SNAPC4: variants seen among roughly 807,000 people sequenced by gnomAD.
SNAPC4 encodes small nuclear RNA activating complex polypeptide 4, also known as snRNA-activating protein complex subunit 4.
In SNAPC4, 127 loss-of-function variants were observed where a neutral mutation model predicts 151.3. The ratio of observed to expected loss-of-function variants is 0.84; its 90% CI spans 0.73 to 0.97. The LOEUF (loss-of-function observed/expected upper bound fraction) is 0.97. Ranked by LOEUF, SNAPC4 falls within the 50% of genes least tolerant of loss-of-function variation. SNAPC4 has a pLI of 0.00. For missense variants in SNAPC4, 2,186 were observed against 1,935.0 expected (o/e 1.13, Z -2.43); for synonymous variants, 1,002 against 824.4 (o/e 1.22, Z -3.69).
intron 14 of SNAPC4, 28 bp downstream of exon 14, chr9:136,384,692 C>A: frequency 8.7e-7 from 1 of 1,144,792 alleles, no homozygotes; most frequent in South Asian, 1.3e-5. Context: ...AAAAAAGAAA[C>A]TAGAAGAACA....
In SNAPC4 at chr9:136,392,752, T is replaced by C. The variant is rs770309786; in HGVS notation, c.658A>G (p.Ser220Gly). 3 of 1,613,386 alleles carry C rather than the reference T, an allele frequency of 1.9e-6. No homozygotes were observed. The highest frequency in any genetic ancestry group is 3.3e-5 in the Admixed American group (2 of 60,008). The change falls in exon 8 of 24, where the codon AGC becomes GGC. Residue 220 changes from serine to glycine, a missense_variant. Coordinates refer to ENST00000684778, the MANE Select transcript of SNAPC4 (RefSeq NM_003086.4). ...CTCTCCAGCTCACTGGAGACTTTGC[T>C]CTGCTTCTGGTGCAAGTACTCGAGC... Reference protein sequence around the residue: ...LKLEYLHQKQSKVSSELERQA... With the variant: ...LKLEYLHQKQGKVSSELERQA...
chr9:136,386,635 T>C (rs373829940), intron 13 of SNAPC4, among the ~76,000 whole-genome samples: 41 of 152,146 alleles, frequency 2.7e-4, no homozygotes, highest in African/African-American at 8.7e-4. Context: ...GGTTTCTCCA[T>C]GTTGGTCAGG....
chr9:136,387,876 G>A, intron 11 of SNAPC4, 28 bp from the exon 12 acceptor site: 1 of 1,291,520 alleles, frequency 7.7e-7, no homozygotes, highest in Non-Finnish European at 1.1e-6. Context: ...GGGAGGTCCT[G>A]TGGGGCCGAG....
intron 10 of SNAPC4, 124 bp downstream of exon 10, chr9:136,391,818 G>T: frequency 9.6e-7 from 1 of 1,040,546 alleles, no homozygotes; most frequent in Non-Finnish European, 1.4e-6. Context: ...CCTGGAGGTG[G>T]CAACACATAG....
chr9:136,395,370 G>A lies in SNAPC4; in HGVS notation c.399C>T (p.Gly133=). 6.2e-7 allele frequency: 1 copy of A among 1,613,614 alleles called. No homozygotes were observed. The highest frequency in any genetic ancestry group is 1.3e-5 in the African/African-American group (1 of 75,060). Residue 133 remains glycine, a synonymous_variant, in exon 5 of 24, where the codon GGC becomes GGT. Transcript: ENST00000684778. Reference sequence around the variant, plus strand: ...TGTATGTGCTTGGGGGCAGGCTTTTGCCATCTTTCACCTTGGTGCCTTTGG... The same window carrying A: ...TGTATGTGCTTGGGGGCAGGCTTTTACCATCTTTCACCTTGGTGCCTTTGG... ...AGSKGTKVKD[G]KSLPPSTYMG... is the part of the protein sequence containing the mutation.
intron 13 of SNAPC4, among the ~76,000 whole-genome samples, chr9:136,386,915 C>T (rs781339622): frequency 5.9e-5 from 9 of 151,990 alleles, no homozygotes; most frequent in Admixed American, 4.6e-4. Flanking sequence ...CCACCATGCC[C>T]GGGTAACTTT....
At chr9:136,380,588 C>G in intron 20 of SNAPC4, 152 bp downstream of exon 20, 1 of 598,782 alleles carries the variant, frequency 1.7e-6, no homozygotes, top group Non-Finnish European at 3.0e-6. Context: ...CAGGGCCTCT[C>G]AAGGCTGCGT....
intron 13 of SNAPC4, 130 bp downstream of exon 13, chr9:136,387,355 G>T: frequency 1.4e-6 from 1 of 738,796 alleles, no homozygotes; most frequent in Non-Finnish European, 2.4e-6. Context: ...CACCTGGTCA[G>T]CGACCCACAC....
intron 2 of SNAPC4, among the ~76,000 whole-genome samples, chr9:136,397,615 G>A (rs540422148): frequency 1.8e-5 from 2 of 113,242 alleles, no homozygotes; most frequent in East Asian, 6.5e-4. Context: ...ATGGGGAGGG[G>A]AGCACGTGGG....
Position 136,378,976 on chromosome 9 carries a change from G to T in SNAPC4, c.2851C>A (p.Pro951Thr), listed in dbSNP as rs1162467259. Residue 951 changes from proline to threonine, a missense_variant, in exon 22 of 24, where the codon CCG (proline) becomes ACG (threonine). Physicochemically the swap from Pro to Thr is conservative, Grantham distance 38. Coordinates refer to ENST00000684778, the MANE Select transcript of SNAPC4 (RefSeq NM_003086.4). Reference sequence around the variant, plus strand: ...GCGGGGGCCCCAGGCCCAGAGAGCGGTACATTTAAGACGGTGGGACCCGGG... The same window carrying T: ...GCGGGGGCCCCAGGCCCAGAGAGCGTTACATTTAAGACGGTGGGACCCGGG... ...PAPGPTVLNV[P>T]LSGPGAPAAA... is the part of the protein sequence containing the mutation. 6.2e-7 allele frequency: 1 copy of T among 1,608,672 alleles called. No individual in the cohort carries two copies. Among genetic ancestry groups the T allele is most frequent in the Non-Finnish European group, 8.5e-7 (1 of 1,178,556 alleles).
Position 136,383,251 on chromosome 9 carries a change from T to G in SNAPC4, c.1918A>C (p.Arg640=). ...VPARAHGPVP[R]SAQASHSADT... is the part of the protein sequence containing the mutation. ...GCTGAGTGGGAGGCCTGGGCAGACC[T>G]CGGGACAGGGCCGTGGGCCCTGGCA... The change falls in exon 16 of 24, where the codon AGG becomes CGG. Residue 640 remains arginine, a synonymous_variant. Coordinates refer to ENST00000684778, the MANE Select transcript of SNAPC4 (RefSeq NM_003086.4). The surrounding 1 kb of genome is among the most constrained non-coding windows in gnomAD (Gnocchi z 4.2). The G allele has an allele frequency of 6.2e-7, 1 of 1,603,438 alleles. No homozygotes were observed.
At position 136,383,768 on chromosome 9, in the gene SNAPC4, C is replaced by G; in HGVS notation, c.1501-100G>C. On this transcript the variant is annotated intron_variant, in intron 15 of 23. Transcript: ENST00000684778. The surrounding 1 kb of genome is among the most constrained non-coding windows in gnomAD (Gnocchi z 4.2). ...CTTTGGGGAGAGGCCCAAGCGGGGG[C>G]GCCTCCGGGGTCAAGAGCAGCCGCT... is the stretch of plus-strand genomic sequence containing the variant. 6.8e-7 allele frequency: 1 copy of G among 1,481,062 alleles called. No individual in the cohort carries two copies. The highest frequency in any genetic ancestry group is 9.2e-7 in the Non-Finnish European group (1 of 1,090,266). The allele number at this position is 1,481,062 out of a possible 1,614,324, so 91.7% of individuals were successfully genotyped here. A position where few individuals can be genotyped will look rare whatever the true frequency, so the allele number is the denominator to read the frequency against.
Position 136,378,729 on chromosome 9 carries a change from C to A in SNAPC4, c.3098G>T (p.Arg1033Leu). The part of the protein sequence containing the change: ...LGQSQAPAAS[R>L]KQGLPEAPPF... ...TGGCGCCTCAGGCAGGCCCTGCTTC[C>A]GGGATGCAGCGGGGGCCTGAGACTG... Residue 1033 changes from arginine to leucine, a missense_variant, in exon 22 of 24, where the codon CGG becomes CTG. Arg to Leu is a moderately radical substitution (Grantham distance 102). Transcript: ENST00000684778. 1.3e-6 allele frequency: 2 copies of A among 1,507,254 alleles called. No homozygotes were observed. Among genetic ancestry groups the A allele is most frequent in the Non-Finnish European group, 1.8e-6 (2 of 1,128,124 alleles). 93.4% of individuals were successfully genotyped at this position (1,507,254 alleles called of 1,614,324 possible).
At position 136,377,639 on chromosome 9, in the gene SNAPC4, C is replaced by CTCAGT; in HGVS notation, c.4187_4188insACTGA (p.Gly1397LeufsTer12). Reference sequence around the variant, plus strand: ...GGTCTTCATCCTCACTCTCAGAGCCCACCCTCGAAGGTACTGAGAGGGTGG... The same window carrying CTCAGT: ...GGTCTTCATCCTCACTCTCAGAGCCCTCAGTACCCTCGAAGGTACTGAGAGGGTGG... On this transcript the variant is annotated frameshift_variant, in exon 22 of 24. Transcript: ENST00000684778. LOFTEE classifies it high-confidence loss of function. 6.3e-7 allele frequency: 1 copy of CTCAGT among 1,585,746 alleles called. No homozygotes were observed. The highest frequency in any genetic ancestry group is 8.6e-7 in the Non-Finnish European group (1 of 1,164,292).
In SNAPC4 at chr9:136,396,970, C is replaced by G; in HGVS notation, c.177+7G>C. ...CAGTGGCACAGCCAGATCAGGCCAACAGTTACCGAGATCGGGGGATCGGCA... is the reference window on the plus strand; with the variant it reads ...CAGTGGCACAGCCAGATCAGGCCAAGAGTTACCGAGATCGGGGGATCGGCA... On this transcript the variant is annotated splice_region_variant and intron_variant, in intron 3 of 23. Transcript: ENST00000684778. The G allele has an allele frequency of 6.2e-7, 1 of 1,612,716 alleles. No individual in the cohort carries two copies. The highest frequency in any genetic ancestry group is 8.5e-7 in the Non-Finnish European group (1 of 1,179,716).
At chr9:136,387,662 AC>A in intron 12 of SNAPC4, 79 bp downstream of exon 12, 1 of 1,367,914 alleles carries the variant, frequency 7.3e-7, no homozygotes, top group Non-Finnish European at 1.0e-6. Flanking sequence ...CAGAGAAGGG[AC>A]CACTGGGGCA....
chr9:136,383,371 G>C lies in SNAPC4; in HGVS notation c.1798C>G (p.Pro600Ala). ...TGGCTGGCACTGGACCCCTTGGGAG[G>C]GCTGAGGGAGGCAGCGGGGCCTCCC... ...WLGGPAASLS[P>A]PKGSSASQGG... Residue 600 changes from proline (P) to alanine (A), a missense_variant, in exon 16 of 24, where the codon CCT becomes GCT. Pro to Ala is a conservative substitution (Grantham distance 27). Coordinates refer to ENST00000684778, the MANE Select transcript of SNAPC4 (RefSeq NM_003086.4). The surrounding 1 kb of genome is among the most constrained non-coding windows in gnomAD (Gnocchi z 4.2). 6.2e-7 allele frequency: 1 copy of C among 1,601,740 alleles called. No individual in the cohort carries two copies. The highest frequency in any genetic ancestry group is 8.5e-7 in the Non-Finnish European group (1 of 1,174,586).
At chr9:136,387,939 C>T (rs117908452) in intron 11 of SNAPC4, 91 bp from the exon 12 acceptor site, 15,381 of 777,642 alleles carry the variant, frequency 0.02, 229 homozygotes, top group Middle Eastern at 0.031. Context: ...CCCGTGGGGC[C>T]GAGACACCCA....
At chr9:136,382,695 A>G (rs1833743241) in intron 16 of SNAPC4, among the ~76,000 whole-genome samples, 3 of 152,184 alleles carry the variant, frequency 2.0e-5, no homozygotes, top group Admixed American at 1.3e-4. Context: ...GTCCCTGCCA[A>G]TGACTCCCAG....
Sources: gnomAD v4.1 joint callset for allele counts (sites outside exome capture counted in the v4.1 genomes callset) on GRCh38, gnomAD v4.1.1 for gene constraint, Gnocchi (gnomAD v3.1) non-coding constraint, MANE v1.5 for transcripts, NCBI Gene and HGNC (gene_info 2026-07-23, HGNC 2026-07-21) for gene names.